Variants in PDE3A observed in about 807,000 individuals in gnomAD.
The protein encoded by PDE3A is phosphodiesterase 3A.
A neutral mutation model predicts 98.3 loss-of-function variants in PDE3A; 43 were observed. The observed-to-expected ratio is 0.44, with a 90% CI of 0.34 to 0.56. PDE3A has a LOEUF of 0.56. PDE3A is among the 20% of genes least tolerant of loss of function. PDE3A has a pLI of 0.01. For synonymous variants in PDE3A, 663 were observed against 567.9 expected, an observed-to-expected ratio of 1.17 and a Z score of -2.38; for missense variants, 1,427 against 1,440.7, an observed-to-expected ratio of 0.99 and a Z score of 0.15.
chr12:20,494,971 T>A (rs1945894670), intron 1 of PDE3A, among the ~76,000 whole-genome samples: 1 of 152,166 alleles, frequency 6.6e-6, no homozygotes. Context: ...TCAGATAAGT[T>A]ACTTAGCACA....
At chr12:20,551,566 G>T in intron 1 of PDE3A, 7 of 1,505,376 alleles carry the variant, frequency 4.7e-6, no homozygotes, top group Non-Finnish European at 6.3e-6. Context: ...CGCGACCCCC[G>T]AGCGGGTCTG....
At chr12:20,617,099 T>C (rs1944025942) in intron 4 of PDE3A, among the ~76,000 whole-genome samples, 1 of 152,196 alleles carries the variant, frequency 6.6e-6, no homozygotes, top group Non-Finnish European at 1.5e-5. Context: ...ATTTACCGTA[T>C]GATTTCAGGT....
intron 1 of PDE3A, among the ~76,000 whole-genome samples, chr12:20,503,478 G>A (rs879000109): frequency 6.6e-6 from 1 of 151,868 alleles, no homozygotes; most frequent in Non-Finnish European, 1.5e-5. Context: ...CCTCCTCATC[G>A]ATTTTCTATC....
chr12:20,436,623 C>T (rs541465078), intron 1 of PDE3A, among the ~76,000 whole-genome samples: 1 of 152,262 alleles, frequency 6.6e-6, no homozygotes, highest in South Asian at 2.1e-4. Context: ...TTTTTAGTCA[C>T]CTTTGCTCTC....
chr12:20,630,958 C>T (rs1392883521), intron 6 of PDE3A, among the ~76,000 whole-genome samples: 1 of 152,014 alleles, frequency 6.6e-6, no homozygotes, highest in African/African-American at 2.4e-5. Context: ...TTTCTAGTAT[C>T]AAATATTACC....
At chr12:20,492,301 T>C (rs1414027343) in intron 1 of PDE3A, among the ~76,000 whole-genome samples, 1 of 152,104 alleles carries the variant, frequency 6.6e-6, no homozygotes, top group African/African-American at 2.4e-5. Flanking sequence ...CTTTCAATAC[T>C]AAAATGACAC....
rs144311748 is a variant in PDE3A at position 20,499,935 on chromosome 12, G to T, written c.961-56725G>T. ...TTCCTACTATTATTCTAATTTTACT[G>T]ATAAGAGCTGAGTTTAACAAGATTA... On this transcript the variant is annotated intron_variant, in intron 1 of 15. Coordinates refer to ENST00000359062, the MANE Select transcript of PDE3A (RefSeq NM_000921.5). Among the ~76,000 whole-genome samples the T allele has an allele frequency of 3.8e-4, 58 of 152,210 alleles. No individual in the cohort carries two copies. In the East Asian group the frequency reaches 0.011, roughly 29 times the overall value.
chr12:20,681,180 C>T lies in PDE3A; in HGVS notation c.*909C>T, dbSNP rs145127619. The stretch of plus-strand genomic sequence containing the variant: ...AAGGAGCTCTATCACCAGCCTCAAA[C>T]CCGAAAGACTGAGGCATTTTCCAGT... On this transcript the variant is annotated 3_prime_UTR_variant, in exon 16 of 16. Transcript: ENST00000359062. The T allele has an allele frequency of 8.4e-4, 128 of 152,268 alleles. No individual in the cohort carries two copies. Among genetic ancestry groups the T allele is most frequent in the African/African-American group, 2.9e-3 (119 of 41,538 alleles). 9.4% of individuals were successfully genotyped at this position (152,268 alleles called of 1,614,324 possible).
At chr12:20,553,743 C>T (rs1390066484) in intron 1 of PDE3A, among the ~76,000 whole-genome samples, 6 of 152,238 alleles carry the variant, frequency 3.9e-5, no homozygotes, top group Non-Finnish European at 7.3e-5. Context: ...CCGACGAAGG[C>T]GGCCACGGAC....
At position 20,655,234 on chromosome 12, in the gene PDE3A, T is replaced by G. The variant is rs149481672; in HGVS notation, c.3184+1029T>G. On this transcript the variant is annotated intron_variant, in intron 15 of 15. Transcript: ENST00000359062. ...AAATTTTAGGTAAGATATCCAGGGA[T>G]AGGAAAGATGTAAAGCAGGGAAAGA... is the stretch of plus-strand genomic sequence containing the variant. Among the ~76,000 whole-genome samples the G allele has an allele frequency of 4.7e-3, 715 of 151,936 alleles. 6 individuals are homozygous for G. The highest frequency in any genetic ancestry group is 0.017 in the African/African-American group (696 of 41,456).
At chr12:20,452,328 G>A (rs1003016379) in intron 1 of PDE3A, among the ~76,000 whole-genome samples, 1 of 151,934 alleles carries the variant, frequency 6.6e-6, no homozygotes, top group African/African-American at 2.4e-5. Flanking sequence ...GAATTTGGAA[G>A]TCATTTGTCT....
At chr12:20,467,294 G>C (rs920804515) in intron 1 of PDE3A, among the ~76,000 whole-genome samples, 7 of 127,912 alleles carry the variant, frequency 5.5e-5, no homozygotes, top group African/African-American at 2.1e-4. Context: ...GAAAATAAAA[G>C]GAATGATGAT....
intron 2 of PDE3A, among the ~76,000 whole-genome samples, chr12:20,609,760 A>ATAATT (rs1345758618): frequency 6.6e-6 from 1 of 152,014 alleles, no homozygotes; most frequent in African/African-American, 2.4e-5. Flanking sequence ...ACATGTTCAA[A>ATAATT]TAATTTTACA....
intron 1 of PDE3A, among the ~76,000 whole-genome samples, chr12:20,486,234 A>G (rs1945724786): frequency 6.6e-6 from 1 of 152,112 alleles, no homozygotes; most frequent in Non-Finnish European, 1.5e-5. Flanking sequence ...GCCTCGGGAA[A>G]CTTACAATCA....
intron 15 of PDE3A, among the ~76,000 whole-genome samples, chr12:20,664,191 A>G (rs568389334): frequency 3.1e-4 from 47 of 151,950 alleles, no homozygotes; most frequent in Admixed American, 1.7e-3. Context: ...AGTCAATTAA[A>G]CCTCTTTCCT....
At chr12:20,673,564 AT>A (rs1456732875) in intron 15 of PDE3A, among the ~76,000 whole-genome samples, 2 of 150,244 alleles carry the variant, frequency 1.3e-5, no homozygotes, top group Non-Finnish European at 3.0e-5. Context: ...CATGGATGAA[AT>A]TGGAAAACAT....
Position 20,369,198 on chromosome 12 carries a change from T to C in PDE3A, c.-87T>C, listed in dbSNP as rs1236606210. On this transcript the variant is annotated 5_prime_UTR_variant, in exon 1 of 16. Transcript: ENST00000359062. ...TGGGAAGAGCGTGCGTGCGTGTGTGTGTGTGTGTGTGTGCGCGCGCGCGCG... is the reference window on the plus strand; with the variant it reads ...TGGGAAGAGCGTGCGTGCGTGTGTGCGTGTGTGTGTGTGCGCGCGCGCGCG... 49 of 798,134 alleles carry C rather than the reference T, an allele frequency of 6.1e-5. No homozygotes were observed. The highest frequency in any genetic ancestry group is 7.9e-5 in the Non-Finnish European group (41 of 519,124). The allele number at this position is 798,134 out of a possible 1,614,324, so 49.4% of individuals were successfully genotyped here. A position where few individuals can be genotyped will look rare whatever the true frequency, so the allele number is the denominator to read the frequency against.
At chr12:20,559,348 CATT>C (rs1419327710) in intron 2 of PDE3A, among the ~76,000 whole-genome samples, 1 of 151,854 alleles carries the variant, frequency 6.6e-6, no homozygotes, top group African/African-American at 2.4e-5. Flanking sequence ...AAATCCCCAT[CATT>C]AAGTGACATA....
chr12:20,643,017 G>C (rs1451719201), intron 10 of PDE3A, among the ~76,000 whole-genome samples: 1 of 152,112 alleles, frequency 6.6e-6, no homozygotes, highest in Non-Finnish European at 1.5e-5. Context: ...GAGGGAAAAG[G>C]AGAAAGTTGA....
Sources: gnomAD v4.1 joint callset for allele counts (sites outside exome capture counted in the v4.1 genomes callset) on GRCh38, gnomAD v4.1.1 for gene constraint, MANE v1.5 for transcripts, NCBI Gene and HGNC (gene_info 2026-07-23, HGNC 2026-07-21) for gene names.